Variants in BEAN1 observed in about 807,000 individuals in gnomAD.
The protein encoded by BEAN1 is protein BEAN1.
A neutral mutation model predicts 17.7 loss-of-function variants in BEAN1; 17 were observed. The observed-to-expected ratio is 0.96, with a 90% confidence interval of 0.66 to 1.44. BEAN1 has a LOEUF of 1.44. BEAN1 is among the 40% of genes most tolerant of loss of function. The probability of loss-of-function intolerance (pLI) is 0.00; values close to 1 mark genes in which losing one functional copy is unlikely to be tolerated. For synonymous variants in BEAN1, 142 were observed against 151.8 expected (o/e 0.94, Z 0.47); for missense variants, 359 against 374.1 (o/e 0.96, Z 0.33).
intron 3 of BEAN1, among the ~76,000 whole-genome samples, chr16:66,477,131 G>A (rs924199025): frequency 2.0e-5 from 3 of 152,000 alleles, no homozygotes; most frequent in Non-Finnish European, 1.5e-5. Flanking sequence ...CCCTCCTCCC[G>A]GCCTTCCCCT....
At chr16:66,463,340 C>T (rs1188007227) in intron 2 of BEAN1, among the ~76,000 whole-genome samples, 1 of 152,200 alleles carries the variant, frequency 6.6e-6, no homozygotes, top group Non-Finnish European at 1.5e-5. Flanking sequence ...AGCCATCCTA[C>T]TGGGTGTGAA....
chr16:66,430,097 T>C (rs1961740744), intron 1 of BEAN1, among the ~76,000 whole-genome samples: 2 of 152,192 alleles, frequency 1.3e-5, no homozygotes, highest in African/African-American at 2.4e-5. Context: ...CCTGGGTTTA[T>C]AGCATGTGGT....
chr16:66,493,779 C>T (rs1290299506), downstream of BEAN1, among the ~76,000 whole-genome samples: 1 of 152,192 alleles, frequency 6.6e-6, no homozygotes, highest in East Asian at 1.9e-4. Flanking sequence ...CTGGCCAGCC[C>T]CAGAATAGAC....
In BEAN1 at chr16:66,472,355, G is replaced by A. The variant is rs532823699; in HGVS notation, c.289+2490G>A. On this transcript the variant is annotated intron_variant, in intron 3 of 4. Coordinates refer to ENST00000536005, the MANE Select transcript of BEAN1 (RefSeq NM_001178020.3). Reference sequence around the variant, plus strand: ...CTGGAGGAAGCGCTCCATGGGCAAGGTAGGAGCCACTGTATTTTATCCTCA... The same window carrying A: ...CTGGAGGAAGCGCTCCATGGGCAAGATAGGAGCCACTGTATTTTATCCTCA... 3.3e-5 allele frequency among the ~76,000 whole-genome samples: 5 copies of A among 152,368 alleles called. No homozygotes were observed. The South Asian group carries it at 1.0e-3, about 32-fold the overall frequency.
Position 66,481,033 on chromosome 16 carries a change from A to T in BEAN1, c.*108A>T. On this transcript the variant is annotated 3_prime_UTR_variant, in exon 5 of 5. Transcript: ENST00000536005. This position sits in a 1 kb window ranked among gnomAD's most constrained non-coding sequence, Gnocchi z 4.1. ...GAGATGCACACGTGACTCATAACACACACATAGACCAAACTTGTATACACA... is the reference window on the plus strand; with the variant it reads ...GAGATGCACACGTGACTCATAACACTCACATAGACCAAACTTGTATACACA... 1.0e-6 allele frequency: 1 copy of T among 967,830 alleles called. No individual in the cohort carries two copies. The highest frequency in any genetic ancestry group is 1.8e-5 in the South Asian group (1 of 55,062). The allele number at this position is 967,830 out of a possible 1,614,324, so 60.0% of individuals were successfully genotyped here.
downstream of BEAN1, chr16:66,484,953 C>A (rs1217285966): frequency 4.4e-6 from 2 of 454,120 alleles, no homozygotes; most frequent in South Asian, 1.6e-5. The surrounding 1 kb of genome is among the most constrained non-coding windows in gnomAD (Gnocchi z 4.2). Context: ...AGGGGAGTCA[C>A]CGTGCTGGCG....
chr16:66,469,569 C>G, intron 2 of BEAN1, 33 bp from the exon 3 acceptor site: 1 of 1,520,954 alleles, frequency 6.6e-7, no homozygotes, highest in Admixed American at 2.0e-5. Context: ...CAGGCCTGGG[C>G]TCCAGCTCAG....
At chr16:66,448,771 C>T (rs1289440863) in intron 2 of BEAN1, among the ~76,000 whole-genome samples, 1 of 152,036 alleles carries the variant, frequency 6.6e-6, no homozygotes, top group African/African-American at 2.4e-5. Context: ...TGCGGTGAGC[C>T]GAGATCGTGC....
At chr16:66,428,742 G>C (rs944445363) in intron 1 of BEAN1, among the ~76,000 whole-genome samples, 6 of 152,166 alleles carry the variant, frequency 3.9e-5, no homozygotes, top group African/African-American at 1.4e-4. Flanking sequence ...GTGTCCTGAG[G>C]TGTCCAGCAC....
At position 66,482,831 on chromosome 16, in the gene BEAN1, T is replaced by A. The variant is rs1230190692; in HGVS notation, c.*1906T>A. 1 of 453,810 alleles carries A rather than the reference T, an allele frequency of 2.2e-6. No individual in the cohort carries two copies. The highest frequency in any genetic ancestry group is 4.4e-6 in the Non-Finnish European group (1 of 226,466). 28.1% of individuals were successfully genotyped at this position (453,810 alleles called of 1,614,324 possible). On this transcript the variant is annotated 3_prime_UTR_variant, in exon 5 of 5. Transcript: ENST00000536005. ...TAAAATGTAGCAAGAAGTAACACTT[T>A]CAGAGAGTGCATAAGGTTCCTTTTT... is the stretch of plus-strand genomic sequence containing the variant.
intron 3 of BEAN1, among the ~76,000 whole-genome samples, chr16:66,472,821 A>G (rs954259964): frequency 1.3e-5 from 2 of 151,954 alleles, no homozygotes; most frequent in African/African-American, 4.8e-5. Context: ...GGAGTTTGAG[A>G]CCAGCCTGGG....
At chr16:66,429,055 G>A (rs1370407412) in intron 1 of BEAN1, among the ~76,000 whole-genome samples, 1 of 152,048 alleles carries the variant, frequency 6.6e-6, no homozygotes, top group Non-Finnish European at 1.5e-5. Context: ...CCCATTGCTC[G>A]AGCTCCGTAC....
At chr16:66,467,533 C>T (rs1416986546) in intron 2 of BEAN1, among the ~76,000 whole-genome samples, 1 of 152,216 alleles carries the variant, frequency 6.6e-6, no homozygotes, top group African/African-American at 2.4e-5. Context: ...TCAATTACCT[C>T]CACCTGGTCC....
chr16:66,428,337 A>G (rs1368497620), intron 1 of BEAN1: 1 of 152,416 alleles, frequency 6.6e-6, no homozygotes, highest in Non-Finnish European at 1.5e-5. Context: ...GGGCGCAAGT[A>G]ACTGGTGTGA....
At chr16:66,437,128 T>C (rs1962057841) in intron 1 of BEAN1, among the ~76,000 whole-genome samples, 1 of 150,858 alleles carries the variant, frequency 6.6e-6, no homozygotes, top group Non-Finnish European at 1.5e-5. Flanking sequence ...AATAATAATA[T>C]GGTTTGGGCT....
chr16:66,475,426 G>A (rs1054681132), intron 3 of BEAN1, among the ~76,000 whole-genome samples: 2 of 152,210 alleles, frequency 1.3e-5, no homozygotes, highest in African/African-American at 4.8e-5. Flanking sequence ...ACTCCTCTCA[G>A]GTCCAGGAAG....
intron 2 of BEAN1, among the ~76,000 whole-genome samples, chr16:66,446,126 TGAGCCAA>T (rs764170121): frequency 4.6e-5 from 7 of 151,892 alleles, no homozygotes; most frequent in Non-Finnish European, 8.8e-5. Context: ...GAGGCTGCAG[TGAGCCAA>T]GATCATGCCA....
chr16:66,488,135 T>G (rs943326609), intron 4 of BEAN1, among the ~76,000 whole-genome samples: 4 of 148,940 alleles, frequency 2.7e-5, no homozygotes, highest in Non-Finnish European at 4.4e-5. Context: ...CATGACAGGT[T>G]CCCCATGAGG....
At chr16:66,474,569 AGAGGGAGGGAGAGAGG>A (rs1963623926) in intron 3 of BEAN1, among the ~76,000 whole-genome samples, 1 of 38,798 alleles carries the variant, frequency 2.6e-5, no homozygotes, top group Non-Finnish European at 4.6e-5. Flanking sequence ...AGGGAGGGAG[AGAGGGAGGGAGAGAGG>A]GAGGGAGGGA....
Sources: allele counts gnomAD v4.1 joint callset (sites outside exome capture counted in the v4.1 genomes callset), GRCh38; gene constraint gnomAD v4.1.1; non-coding constraint Gnocchi (gnomAD v3.1); transcripts MANE v1.5; gene names NCBI Gene and HGNC (gene_info 2026-07-23, HGNC 2026-07-21).